PTPRC: variants seen among roughly 807,000 people sequenced by gnomAD.
The protein encoded by PTPRC is receptor-type tyrosine-protein phosphatase C.
Under a neutral mutation model 155.9 loss-of-function variants are expected in PTPRC, and 44 were observed. That is an observed-to-expected ratio of 0.28 (90% CI 0.22 to 0.36). The LOEUF (loss-of-function observed/expected upper bound fraction) is 0.36, where lower values mean the gene tolerates loss of function less well. Among genes scored for constraint, PTPRC ranks in the 10% least tolerant of loss-of-function variants. The pLI is 1.00. For synonymous variants in PTPRC, 525 were observed against 533.1 expected, an observed-to-expected ratio of 0.98 and a Z score of 0.21; for missense variants, 1,401 against 1,564.6, an observed-to-expected ratio of 0.90 and a Z score of 1.76.
At position 198,692,353 on chromosome 1, in the gene PTPRC, GC is replaced by G; in HGVS notation, c.83del (p.Pro28GlnfsTer8). On this transcript the variant is annotated frameshift_variant, in exon 3 of 33. Transcript: ENST00000442510. LOFTEE classifies it high-confidence loss of function. ...LDTEVFVTGQ[S>X]PTPSPTGLTT... ...TTTTGTTTCTTCTTTGCAGGGCAAA[GC>G]CCAACACCTTCCCCCACTGGTAAGA... 1 of 1,510,894 alleles carries G rather than the reference GC, an allele frequency of 6.6e-7. No homozygotes were observed. The highest frequency in any genetic ancestry group is 8.9e-7 in the Non-Finnish European group (1 of 1,126,492). The allele number at this position is 1,510,894 out of a possible 1,614,324, so 93.6% of individuals were successfully genotyped here. A position where few individuals can be genotyped will look rare whatever the true frequency, so the allele number is the denominator to read the frequency against.
chr1:198,731,272 T>G (rs1654374751), intron 17 of PTPRC, among the ~76,000 whole-genome samples: 1 of 151,978 alleles, frequency 6.6e-6, no homozygotes, highest in Non-Finnish European at 1.5e-5. Context: ...AATATTGTAT[T>G]ATAAATAAAT....
intron 2 of PTPRC, among the ~76,000 whole-genome samples, chr1:198,689,610 A>T (rs1185145906): frequency 6.6e-6 from 1 of 152,136 alleles, no homozygotes; most frequent in South Asian, 2.1e-4. Flanking sequence ...AAAAAGTTCA[A>T]GCTCCTTTTC....
At chr1:198,746,650 A>G (rs1157917223) in intron 26 of PTPRC, among the ~76,000 whole-genome samples, 1 of 151,758 alleles carries the variant, frequency 6.6e-6, no homozygotes. Context: ...GGGAATGTGG[A>G]TGCACTGGGA....
chr1:198,671,106 T>G (rs912867578), intron 2 of PTPRC, among the ~76,000 whole-genome samples: 1 of 152,034 alleles, frequency 6.6e-6, no homozygotes, highest in Non-Finnish European at 1.5e-5. Context: ...ATAATTTAAA[T>G]TTTTTGAAAT....
At chr1:198,699,993 G>A (rs1666389034) in intron 5 of PTPRC, 1 of 502,082 alleles carries the variant, frequency 2.0e-6, no homozygotes, top group African/African-American at 1.9e-5. Flanking sequence ...CCATTCTACA[G>A]GGAAAACTTT....
Position 198,694,879 on chromosome 1 carries a change from G to A in PTPRC, c.101-1833G>A, listed in dbSNP as rs1007253189. On this transcript the variant is annotated intron_variant, in intron 3 of 32. Coordinates refer to ENST00000442510, the MANE Select transcript of PTPRC (RefSeq NM_002838.5). Reference sequence around the variant, plus strand: ...CCTGATTTTACACTGAAGACTAGAGGTAGTTACTATCCTATTACTGTACTT... The same window carrying A: ...CCTGATTTTACACTGAAGACTAGAGATAGTTACTATCCTATTACTGTACTT... 176 of 967,020 alleles carry A rather than the reference G, an allele frequency of 1.8e-4. No homozygotes were observed. The African/African-American group carries it at 2.8e-3, about 16-fold the overall frequency. The allele number at this position is 967,020 out of a possible 1,614,324, so 59.9% of individuals were successfully genotyped here.
intron 2 of PTPRC, among the ~76,000 whole-genome samples, chr1:198,690,143 T>C (rs1665851915): frequency 6.6e-6 from 1 of 152,180 alleles, no homozygotes; most frequent in Admixed American, 6.5e-5. Flanking sequence ...TTGTATAAAG[T>C]ATGTTCACAC....
chr1:198,732,235 A>G, intron 18 of PTPRC, 65 bp from the exon 19 acceptor site: 1 of 1,276,160 alleles, frequency 7.8e-7, no homozygotes, highest in Non-Finnish European at 1.1e-6. Context: ...CAAAACGGTC[A>G]TTGGTAAGGG....
intron 25 of PTPRC, among the ~76,000 whole-genome samples, chr1:198,743,067 C>CAAAAAAAAAAAAAAAAAAA (rs10628640): frequency 1.3e-5 from 1 of 75,950 alleles, no homozygotes; most frequent in Non-Finnish European, 2.5e-5. Context: ...GTCAAAATAG[C>CAAAAAAAAAAAAAAAAAAA]AAAAAAAAAA....
At position 198,661,742 on chromosome 1, in the gene PTPRC, G is replaced by A. The variant is rs546981077; in HGVS notation, c.73+22401G>A. Among the ~76,000 whole-genome samples the A allele has an allele frequency of 2.2e-4, 34 of 152,090 alleles. 1 individual carries two copies. In the South Asian group the frequency reaches 5.2e-3, roughly 23 times the overall value. On this transcript the variant is annotated intron_variant, in intron 2 of 32. Coordinates refer to ENST00000442510, the MANE Select transcript of PTPRC (RefSeq NM_002838.5). Reference sequence around the variant, plus strand: ...ACAAGATAAAATTCTTATCCTTACCGCAGCATGGAATAGGACCATACTTTC... The same window carrying A: ...ACAAGATAAAATTCTTATCCTTACCACAGCATGGAATAGGACCATACTTTC...
intron 2 of PTPRC, among the ~76,000 whole-genome samples, chr1:198,688,423 A>G (rs1665749481): frequency 6.6e-6 from 1 of 152,204 alleles, no homozygotes; most frequent in Non-Finnish European, 1.5e-5. Flanking sequence ...ATGTATATGT[A>G]TGCCCATTAT....
At chr1:198,716,209 G>T (rs1396092580) in intron 12 of PTPRC, among the ~76,000 whole-genome samples, 1 of 152,102 alleles carries the variant, frequency 6.6e-6, no homozygotes, top group African/African-American at 2.4e-5. Flanking sequence ...TACTATGATA[G>T]AATCAACCCA....
In PTPRC at chr1:198,712,965, C is replaced by T; in HGVS notation, c.1184C>T (p.Pro395Leu). 1 of 1,612,782 alleles carries T rather than the reference C, an allele frequency of 6.2e-7. No homozygotes were observed. The highest frequency in any genetic ancestry group is 8.5e-7 in the Non-Finnish European group (1 of 1,179,004). Residue 395 changes from proline to leucine, a missense_variant, in exon 12 of 33, where the codon CCT (proline) becomes CTT (leucine). Around this residue, in one of 3 missense-constraint regions of PTPRC, gnomAD observed 867 missense variants for 970.4 expected, o/e 0.89. Coordinates refer to ENST00000442510, the MANE Select transcript of PTPRC (RefSeq NM_002838.5). Reference sequence around the variant, plus strand: ...ATTCTTTTAACAGGTCCAGGAGAGCCTCAGATTATTTTTTGTAGAAGTGAA... The same window carrying T: ...ATTCTTTTAACAGGTCCAGGAGAGCTTCAGATTATTTTTTGTAGAAGTGAA... ...IKTDFGSPGEPQIIFCRSEAA... is the reference protein window; with the variant it reads ...IKTDFGSPGELQIIFCRSEAA...
At chr1:198,665,768 G>A (rs534520598) in intron 2 of PTPRC, among the ~76,000 whole-genome samples, 14 of 152,154 alleles carry the variant, frequency 9.2e-5, no homozygotes, top group Admixed American at 2.6e-4. Context: ...AAATGCTTTA[G>A]CACAGACTAG....
At position 198,735,140 on chromosome 1, in the gene PTPRC, A is replaced by G; in HGVS notation, c.2291A>G (p.Glu764Gly). 1 of 1,602,326 alleles carries G rather than the reference A, an allele frequency of 6.2e-7. No homozygotes were observed. The highest frequency in any genetic ancestry group is 8.5e-7 in the Non-Finnish European group (1 of 1,173,206). The change falls in exon 23 of 33, where the codon GAA becomes GGA. Residue 764 changes from glutamate (E) to glycine (G), a missense_variant. Glu to Gly is a moderately conservative substitution (Grantham distance 98, BLOSUM62 -2). Coordinates refer to ENST00000442510, the MANE Select transcript of PTPRC (RefSeq NM_002838.5). ...CEEGNRNKCA[E>G]YWPSMEEGTR... ...TTTAAAATGTAGAACAAGTGTGCAG[A>G]ATACTGGCCGTCAATGGAAGAGGGC...
At chr1:198,745,523 G>T (rs1179013865) in intron 26 of PTPRC, among the ~76,000 whole-genome samples, 1 of 151,766 alleles carries the variant, frequency 6.6e-6, no homozygotes, top group Non-Finnish European at 1.5e-5. Flanking sequence ...TGCTTGAAGG[G>T]TATAAACTAG....
At chr1:198,731,811 A>G (rs1452899378) in intron 18 of PTPRC, 85 bp downstream of exon 18, 1 of 1,076,216 alleles carries the variant, frequency 9.3e-7, no homozygotes, top group Non-Finnish European at 1.4e-6. Flanking sequence ...ATTTGCCTTT[A>G]TAATTTATCC....
Position 198,639,329 on chromosome 1 carries a change from G to T in PTPRC, c.61G>T (p.Val21Leu), listed in dbSNP as rs1288480100. Reference protein sequence around the residue: ...AFGFAFLDTEVFVTGQSPTPS... With the variant: ...AFGFAFLDTELFVTGQSPTPS... ...TGGCTTTGCCTTTCTGGACACAGAA[G>T]TATTTGTGACAGGTAAGTACAAGGA... The change falls in exon 2 of 33, where the codon GTA (valine) becomes TTA (leucine). Residue 21 changes from valine to leucine, a missense_variant. Physicochemically the swap from Val to Leu is conservative, Grantham distance 32 (BLOSUM62 1). Transcript: ENST00000442510. 6.2e-7 allele frequency: 1 copy of T among 1,610,510 alleles called. No individual in the cohort carries two copies. The highest frequency in any genetic ancestry group is 1.1e-5 in the South Asian group (1 of 90,988).
intron 23 of PTPRC, among the ~76,000 whole-genome samples, chr1:198,739,955 A>G (rs1315638773): frequency 1.3e-5 from 2 of 151,862 alleles, no homozygotes; most frequent in African/African-American, 4.8e-5. Flanking sequence ...TGAACAATAT[A>G]TTCCTCAATG....
Sources: gnomAD v4.1 joint callset for allele counts (sites outside exome capture counted in the v4.1 genomes callset) on GRCh38, gnomAD v4.1.1 for gene constraint, gnomAD v4.1.1 regional missense constraint, MANE v1.5 for transcripts, NCBI Gene and HGNC (gene_info 2026-07-23, HGNC 2026-07-21) for gene names.